The following SENP7 variants were observed in gnomAD, a reference collection of about 807,000 sequenced individuals.
The protein encoded by SENP7 is SUMO specific peptidase 7.
SENP7 carries 64 observed loss-of-function variants against 141.2 expected under a neutral mutation model. The observed-to-expected ratio is 0.45, with a 90% CI of 0.37 to 0.56. The LOEUF is 0.56. SENP7 is among the 20% of genes least tolerant of loss of function. The pLI, the probability that SENP7 is intolerant of heterozygous loss-of-function variation, is 0.00. For missense variants in SENP7, 1,025 were observed against 1,212.2 expected (o/e 0.85, Z 2.29); for synonymous variants, 382 against 426.4 (o/e 0.90, Z 1.28).
intron 3 of SENP7, among the ~76,000 whole-genome samples, chr3:101,484,597 C>G (rs2064644518): frequency 6.6e-6 from 1 of 152,162 alleles, no homozygotes; most frequent in South Asian, 2.1e-4. Context: ...CTCCCTCTCC[C>G]GAACACGTGC....
rs796073001 is a variant in SENP7 at position 101,340,763 on chromosome 3, A to G, written c.2241-552T>C. 3.9e-5 allele frequency among the ~76,000 whole-genome samples: 6 copies of G among 152,222 alleles called. No individual in the cohort carries two copies. In the South Asian group the frequency reaches 8.3e-4, roughly 21 times the overall value. On this transcript the variant is annotated intron_variant, in intron 15 of 23. Coordinates refer to ENST00000394095, the MANE Select transcript of SENP7 (RefSeq NM_020654.5). ...AAAAGTGCCTGCCACATAAAACTTAAGAGACCACAAAGGAGACATATAATT... is the reference window on the plus strand; with the variant it reads ...AAAAGTGCCTGCCACATAAAACTTAGGAGACCACAAAGGAGACATATAATT...
chr3:101,449,271 A>C (rs1435340912), intron 4 of SENP7, among the ~76,000 whole-genome samples: 1 of 152,224 alleles, frequency 6.6e-6, no homozygotes, highest in Non-Finnish European at 1.5e-5. Flanking sequence ...TGACGGAGAG[A>C]ATGGAACCAA....
chr3:101,429,853 A>G (rs2062096197), intron 4 of SENP7, among the ~76,000 whole-genome samples: 1 of 152,198 alleles, frequency 6.6e-6, no homozygotes, highest in African/African-American at 2.4e-5. Context: ...TATTATTTTG[A>G]GATATGTTCC....
At position 101,401,421 on chromosome 3, in the gene SENP7, C is replaced by T. The variant is rs535541141; in HGVS notation, c.483-2366G>A. Among the ~76,000 whole-genome samples the T allele has an allele frequency of 6.6e-5, 10 of 151,322 alleles. No individual in the cohort carries two copies. The South Asian group carries it at 1.0e-3, about 16-fold the overall frequency. ...GCAGGCACCTGCAATCCCAGCTACT[C>T]GGGAGGCTGAGGCAGAAGAATGACT... On this transcript the variant is annotated intron_variant, in intron 5 of 23. Coordinates refer to ENST00000394095, the MANE Select transcript of SENP7 (RefSeq NM_020654.5).
chr3:101,489,690 G>A (rs761934117), intron 3 of SENP7, among the ~76,000 whole-genome samples: 10 of 152,260 alleles, frequency 6.6e-5, no homozygotes, highest in Non-Finnish European at 1.5e-4. Context: ...GACTTAGTTA[G>A]GCAACCACAT....
rs2065777081 is a variant in SENP7 at position 101,509,841 on chromosome 3, TA to T, written c.40+3249del. On this transcript the variant is annotated intron_variant, in intron 1 of 23. Coordinates refer to ENST00000394095, the MANE Select transcript of SENP7 (RefSeq NM_020654.5). The stretch of plus-strand genomic sequence containing the variant: ...AATTCTGTTCCTTACTAGCTATTAC[TA>T]ATCTTTATCCTGCCCCTAAATCCCG... Among the ~76,000 whole-genome samples, 4 of 152,216 alleles carry T rather than the reference TA, an allele frequency of 2.6e-5. No individual in the cohort carries two copies. In the South Asian group the frequency reaches 8.3e-4, roughly 32 times the overall value.
At chr3:101,393,521 A>C (rs1351025978) in intron 6 of SENP7, among the ~76,000 whole-genome samples, 1 of 152,214 alleles carries the variant, frequency 6.6e-6, no homozygotes, top group Non-Finnish European at 1.5e-5. Context: ...CAATTTAAAA[A>C]ATGGGTAACA....
At chr3:101,388,359 C>G (rs527397717) in intron 6 of SENP7, among the ~76,000 whole-genome samples, 24 of 152,318 alleles carry the variant, frequency 1.6e-4, no homozygotes, top group African/African-American at 5.8e-4. Flanking sequence ...ACCTAAGCCA[C>G]TGAGGAACAC....
At position 101,469,830 on chromosome 3, in the gene SENP7, CAAAAAAAAAAA is replaced by C. The variant is rs58498056; in HGVS notation, c.187-10789_187-10779del. ...TGGGCGACAGAGCAAGACTCCGTCTCAAAAAAAAAAAAAAAAAAAAAAGAACAGAAATCACA... is the reference window on the plus strand; with the variant it reads ...TGGGCGACAGAGCAAGACTCCGTCTCAAAAAAAAAAAGAACAGAAATCACA... On this transcript the variant is annotated intron_variant, in intron 3 of 23. Coordinates refer to ENST00000394095, the MANE Select transcript of SENP7 (RefSeq NM_020654.5). 1.2e-4 allele frequency among the ~76,000 whole-genome samples: 3 copies of C among 24,730 alleles called. 1 individual carries two copies. Among genetic ancestry groups the C allele is most frequent in the African/African-American group, 2.9e-4 (2 of 6,866 alleles). 16.2% of individuals were successfully genotyped at this position (24,730 alleles called of 152,430 possible). A position where few individuals can be genotyped will look rare whatever the true frequency, so the allele number is the denominator to read the frequency against.
chr3:101,472,724 G>C (rs1201155215), intron 3 of SENP7, among the ~76,000 whole-genome samples: 1 of 151,898 alleles, frequency 6.6e-6, no homozygotes, highest in Non-Finnish European at 1.5e-5. Flanking sequence ...AGATATAAAA[G>C]CAGTCAGAAA....
chr3:101,485,661 G>C (rs1442080779), intron 3 of SENP7, among the ~76,000 whole-genome samples: 1 of 151,944 alleles, frequency 6.6e-6, no homozygotes, highest in African/African-American at 2.4e-5. Flanking sequence ...AAATGAGAAG[G>C]AACCAGAAAC....
intron 3 of SENP7, among the ~76,000 whole-genome samples, chr3:101,464,328 G>T (rs747034605): frequency 1.5e-4 from 23 of 152,180 alleles, no homozygotes; most frequent in Non-Finnish European, 1.3e-4. Context: ...GCCATGGACT[G>T]GTATTGGTCC....
intron 3 of SENP7, among the ~76,000 whole-genome samples, chr3:101,463,046 T>C (rs2317703): frequency 0.4 from 60,202 of 151,590 alleles, 12,458 homozygotes; most frequent in Admixed American, 0.54. Flanking sequence ...ACAAAGAATT[T>C]CTACACATCA....
At chr3:101,374,478 G>A (rs895206308) in intron 6 of SENP7, among the ~76,000 whole-genome samples, 1 of 152,130 alleles carries the variant, frequency 6.6e-6, no homozygotes, top group Non-Finnish European at 1.5e-5. Flanking sequence ...ACTTATGGCT[G>A]GGCATGGTAG....
chr3:101,493,295 G>C (rs1270570621), intron 3 of SENP7, among the ~76,000 whole-genome samples: 1 of 152,072 alleles, frequency 6.6e-6, no homozygotes, highest in African/African-American at 2.4e-5. Context: ...TGGGTACTAG[G>C]CTTAATATCT....
intron 3 of SENP7, among the ~76,000 whole-genome samples, chr3:101,477,881 A>T (rs1395577638): frequency 2.0e-5 from 3 of 152,016 alleles, no homozygotes; most frequent in African/African-American, 7.2e-5. Context: ...AGAAAAAAAA[A>T]TAAACATCAG....
At chr3:101,332,890 T>C (rs768503401) in intron 17 of SENP7, 28 bp from the exon 18 acceptor site, 4 of 1,554,084 alleles carry the variant, frequency 2.6e-6, no homozygotes, top group African/African-American at 1.4e-5. Context: ...AGATTTGATA[T>C]ATAAAAATTT....
chr3:101,356,302 A>G (rs2107307807), intron 11 of SENP7, among the ~76,000 whole-genome samples: 1 of 134,444 alleles, frequency 7.4e-6, no homozygotes, highest in East Asian at 2.2e-4. Flanking sequence ...ATAATGCCCA[A>G]CTAATAAAAA....
chr3:101,423,938 A>C (rs1312201709), intron 4 of SENP7, among the ~76,000 whole-genome samples: 1 of 152,188 alleles, frequency 6.6e-6, no homozygotes, highest in Non-Finnish European at 1.5e-5. Context: ...GCAGCACACC[A>C]GCTGATGTGG....
Sources: allele counts gnomAD v4.1 joint callset (sites outside exome capture counted in the v4.1 genomes callset), GRCh38; gene constraint gnomAD v4.1.1; transcripts MANE v1.5; gene names NCBI Gene and HGNC (gene_info 2026-07-23, HGNC 2026-07-21).